The following DMBT1 variants were observed in gnomAD, a reference collection of about 807,000 sequenced individuals.
DMBT1 encodes the protein deleted in malignant brain tumors 1.
DMBT1 carries 198 observed loss-of-function variants against 252.9 expected under a neutral mutation model. The observed-to-expected ratio is 0.78, with a 90% CI of 0.70 to 0.88. The LOEUF is 0.88. Ranked by LOEUF, DMBT1 falls within the 40% of genes least tolerant of loss-of-function variation. The probability of loss-of-function intolerance (pLI) is 0.00; values close to 1 mark genes in which losing one functional copy is unlikely to be tolerated. For missense variants in DMBT1, 2,432 were observed against 2,404.7 expected, an observed-to-expected ratio of 1.01 and a Z score of -0.24; for synonymous variants, 990 against 942.7, an observed-to-expected ratio of 1.05 and a Z score of -0.92.
At position 122,592,410 on chromosome 10, in the gene DMBT1, G is replaced by A. The variant is rs990954597; in HGVS notation, c.2315G>A (p.Arg772Lys). 1.4e-5 allele frequency: 22 copies of A among 1,588,478 alleles called. 1 individual carries two copies. Among genetic ancestry groups the A allele is most frequent in the African/African-American group, 2.7e-5 (2 of 74,522 alleles). ...ACCAATGATGCCAATGTGGTCTGCA[G>A]GCAGCTGGGCTGTGGCTGGGCCACG... ...WDTNDANVVC[R>K]QLGCGWATSA... is the part of the protein sequence containing the mutation. Residue 772 changes from arginine to lysine, a missense_variant, in exon 20 of 56, where the codon AGG (arginine) becomes AAG (lysine). Transcript: ENST00000338354.
intron 16 of DMBT1, among the ~76,000 whole-genome samples, chr10:122,588,155 C>G (rs1455478974): frequency 6.7e-6 from 1 of 148,734 alleles, no homozygotes; most frequent in Non-Finnish European, 1.5e-5. Flanking sequence ...TTACCTGCAT[C>G]AACAGTAGGT....
intron 52 of DMBT1, 74 bp downstream of exon 52, chr10:122,633,415 GC>G: frequency 1.3e-6 from 2 of 1,553,058 alleles, no homozygotes; most frequent in Non-Finnish European, 1.7e-6. Flanking sequence ...GCTTAAGTGT[GC>G]GCCCAGAAGA....
At chr10:122,575,797 G>A (rs2097706902) in intron 6 of DMBT1, among the ~76,000 whole-genome samples, 1 of 152,168 alleles carries the variant, frequency 6.6e-6, no homozygotes. Context: ...GTTCCTGGAG[G>A]TAGGGAGAAA....
At chr10:122,574,637 C>T (rs556456595) in intron 6 of DMBT1, among the ~76,000 whole-genome samples, 10 of 152,320 alleles carry the variant, frequency 6.6e-5, no homozygotes, top group South Asian at 2.1e-4. Flanking sequence ...CATGTCCCTT[C>T]GCAAGATTCC....
chr10:122,619,136 A>T (rs980111574), intron 41 of DMBT1, among the ~76,000 whole-genome samples, 172 bp from the exon 42 acceptor site: 3 of 151,992 alleles, frequency 2.0e-5, no homozygotes, highest in Non-Finnish European at 4.4e-5. Flanking sequence ...ATCTGCCTGC[A>T]CCCCTTATAT....
intron 21 of DMBT1, among the ~76,000 whole-genome samples, 154 bp from the exon 22 acceptor site, chr10:122,594,342 A>G (rs1447465650): frequency 7.8e-6 from 1 of 127,444 alleles, no homozygotes; most frequent in African/African-American, 2.6e-5. Flanking sequence ...ATGAGTTCAC[A>G]GCACAGGAGA....
At chr10:122,632,433 A>G (rs752433098) in intron 50 of DMBT1, among the ~76,000 whole-genome samples, 2 of 151,762 alleles carry the variant, frequency 1.3e-5, no homozygotes, top group African/African-American at 2.4e-5. Context: ...GCTCCCCATG[A>G]TCTGCTCCCT....
Position 122,641,785 on chromosome 10 carries a change from G to C in DMBT1, c.7352+1336G>C, listed in dbSNP as rs143946534. The stretch of plus-strand genomic sequence containing the variant: ...TGGGAAGACGGGGATGTGTGTGCAG[G>C]GGTAGATGTACCCTGGCTATACCTG... On this transcript the variant is annotated intron_variant, in intron 55 of 55. Transcript: ENST00000338354. Among the ~76,000 whole-genome samples the C allele has an allele frequency of 1.6e-4, 25 of 152,240 alleles. No individual in the cohort carries two copies. In the East Asian group the frequency reaches 3.7e-3, roughly 22 times the overall value.
At chr10:122,574,300 G>T (rs527740353) in intron 6 of DMBT1, among the ~76,000 whole-genome samples, 3 of 152,322 alleles carry the variant, frequency 2.0e-5, no homozygotes, top group African/African-American at 7.2e-5. Context: ...AAATCTGGGA[G>T]ACATAGTCAA....
Position 122,586,272 on chromosome 10 carries a change from C to G in DMBT1, c.1672C>G (p.Leu558Val), listed in dbSNP as rs376015834. 23 of 1,588,752 alleles carry G rather than the reference C, an allele frequency of 1.4e-5. No individual in the cohort carries two copies. The African/African-American group carries it at 2.5e-4, about 18-fold the overall frequency. Residue 558 changes from leucine (L) to valine (V), a missense_variant, in exon 16 of 56, where the codon CTG becomes GTG. Around this residue, in one of 3 missense-constraint regions of DMBT1, gnomAD observed 1,264 missense variants for 1,082.2 expected, o/e 1.17. Transcript: ENST00000338354. ...RFGQGSGPIVLDDVRCSGNES... is the reference protein window; with the variant it reads ...RFGQGSGPIVVDDVRCSGNES... The stretch of plus-strand genomic sequence containing the variant: ...TGGTCAGGGCTCAGGACCCATTGTC[C>G]TGGATGACGTGCGCTGCTCAGGGAA...
intron 41 of DMBT1, among the ~76,000 whole-genome samples, chr10:122,618,624 G>A (rs917285470): frequency 1.3e-5 from 2 of 152,182 alleles, no homozygotes; most frequent in East Asian, 3.8e-4. Flanking sequence ...GGCTCCCCAC[G>A]GCTCCATTTC....
At position 122,588,828 on chromosome 10, in the gene DMBT1, C is replaced by T. The variant is rs539131526; in HGVS notation, c.1784-116C>T. On this transcript the variant is annotated intron_variant, in intron 16 of 55. Coordinates refer to ENST00000338354, the MANE Select transcript of DMBT1 (RefSeq NM_001377530.1). ...ACCTCTGGTTGCAGTCATCTTTAAT[C>T]GTGACTGCCTGCCCAGGTGACTTTG... is the stretch of plus-strand genomic sequence containing the variant. 7.1e-5 allele frequency: 107 copies of T among 1,514,658 alleles called. 4 individuals are homozygous for T. The highest frequency in any genetic ancestry group is 6.9e-4 in the East Asian group (29 of 42,202). 93.8% of individuals were successfully genotyped at this position (1,514,658 alleles called of 1,614,324 possible).
At chr10:122,632,981 A>C in intron 51 of DMBT1, 91 bp downstream of exon 51, 1 of 1,581,426 alleles carries the variant, frequency 6.3e-7, no homozygotes, top group Non-Finnish European at 8.6e-7. Flanking sequence ...TGGGGAGGAG[A>C]TGGCTTCCCC....
rs1005559423 is a variant in DMBT1, at chr10:122,630,560, G to C, written c.6025+70G>C. The C allele has an allele frequency of 6.7e-6, 10 of 1,498,966 alleles. No individual in the cohort carries two copies. In the African/African-American group the frequency reaches 9.7e-5, roughly 15 times the overall value. 92.9% of individuals were successfully genotyped at this position (1,498,966 alleles called of 1,614,324 possible). ...CCAGCTGCCTCTTTGGGGGCACCAT[G>C]GTTCCCCAAGGAAATCAAAGAAGGG... On this transcript the variant is annotated intron_variant, in intron 48 of 55. Transcript: ENST00000338354.
chr10:122,598,045 A>G (rs746599658), intron 25 of DMBT1, 33 bp downstream of exon 25: 2 of 1,613,380 alleles, frequency 1.2e-6, no homozygotes, highest in Admixed American at 3.3e-5. Flanking sequence ...CCTAGGGCTC[A>G]CTCTCTACCT....
chr10:122,576,542 C>G lies in DMBT1; in HGVS notation c.427C>G (p.Leu143Val), dbSNP rs763397930. ...TNDANVVCRQ[L>V]GCGWAMSAPG... ...TGATGCCAACGTGGTCTGTAGGCAG[C>G]TGGGTTGTGGCTGGGCCATGTCAGC... The change falls in exon 7 of 56, where the codon CTG becomes GTG. Residue 143 changes from leucine to valine, a missense_variant. This residue lies in a region of DMBT1 where 1,264 missense variants were observed against 1,082.2 expected (regional missense o/e 1.17). Coordinates refer to ENST00000338354, the MANE Select transcript of DMBT1 (RefSeq NM_001377530.1). 3 of 1,613,992 alleles carry G rather than the reference C, an allele frequency of 1.9e-6. No individual in the cohort carries two copies. In the Admixed American group the frequency reaches 5.0e-5, roughly 27 times the overall value.
chr10:122,578,360 C>T (rs1191081746), intron 8 of DMBT1, among the ~76,000 whole-genome samples: 3 of 152,192 alleles, frequency 2.0e-5, no homozygotes, highest in Non-Finnish European at 2.9e-5. Flanking sequence ...TGATTTCCCC[C>T]AGGGCGGACC....
chr10:122,590,223 C>T (rs956291273), intron 17 of DMBT1, among the ~76,000 whole-genome samples: 2 of 149,002 alleles, frequency 1.3e-5, no homozygotes, highest in African/African-American at 2.4e-5. Flanking sequence ...GCAATTCCCT[C>T]CAGAGCACTG....
rs746581200 is a variant in DMBT1, at chr10:122,572,366, C to A, written c.235+5C>A. 1.9e-6 allele frequency: 3 copies of A among 1,612,888 alleles called. No individual in the cohort carries two copies. The highest frequency in any genetic ancestry group is 1.1e-5 in the South Asian group (1 of 91,058). ...TGGAGTCAACCGTAGCAGAAGGTAACGTCTACTATGGGGGAGCTCTATGGG... is the reference window on the plus strand; with the variant it reads ...TGGAGTCAACCGTAGCAGAAGGTAAAGTCTACTATGGGGGAGCTCTATGGG... On this transcript the variant is annotated splice_donor_5th_base_variant and intron_variant, in intron 5 of 55. Transcript: ENST00000338354.
Sources: gnomAD v4.1 joint callset for allele counts (sites outside exome capture counted in the v4.1 genomes callset) on GRCh38, gnomAD v4.1.1 for gene constraint, gnomAD v4.1.1 regional missense constraint, MANE v1.5 for transcripts, NCBI Gene and HGNC (gene_info 2026-07-23, HGNC 2026-07-21) for gene names.